Variants in DLG2 observed in about 807,000 individuals in gnomAD.
The protein encoded by DLG2 is disks large homolog 2.
DLG2 carries 45 observed loss-of-function variants against 132.5 expected under a neutral mutation model. The ratio of observed to expected loss-of-function variants is 0.34; its 90% CI spans 0.27 to 0.44. The LOEUF is 0.44. Ranked by LOEUF, DLG2 falls within the 20% of genes least tolerant of loss-of-function variation. The probability of loss-of-function intolerance (pLI) is 1.00; values close to 1 mark genes in which losing one functional copy is unlikely to be tolerated. For synonymous variants in DLG2, 424 were observed against 419.6 expected (o/e 1.01, Z -0.13); for missense variants, 1,045 against 1,196.9 (o/e 0.87, Z 1.87).
chr11:83,493,332 TTTCTTTCCTTCCTTCCTTCC>T (rs1312898081), intron 21 of DLG2, among the ~76,000 whole-genome samples: 18 of 135,780 alleles, frequency 1.3e-4, no homozygotes, highest in African/African-American at 4.8e-4. Context: ...TTGTCTTTTC[TTTCTTTCCTTCCTTCCTTCC>T]TTCCTTCCTT....
At chr11:84,993,224 G>A (rs182416292) in intron 6 of DLG2, among the ~76,000 whole-genome samples, 5 of 152,256 alleles carry the variant, frequency 3.3e-5, no homozygotes, top group Admixed American at 2.0e-4. Context: ...AGAACACATG[G>A]AGACAGGGAG....
intron 7 of DLG2, among the ~76,000 whole-genome samples, chr11:84,483,921 G>A (rs2099144461): frequency 6.6e-6 from 1 of 152,148 alleles, no homozygotes; most frequent in Non-Finnish European, 1.5e-5. Context: ...GACAGTGTCT[G>A]GCAGTGCATG....
At chr11:83,677,106 A>G (rs2077863800) in intron 18 of DLG2, among the ~76,000 whole-genome samples, 1 of 152,030 alleles carries the variant, frequency 6.6e-6, no homozygotes, top group Admixed American at 6.6e-5. Context: ...TTCTCCCCTA[A>G]TTTCCTAAAA....
At chr11:84,805,412 T>TATCGTTTAGATAATC (rs1393536077) in intron 6 of DLG2, among the ~76,000 whole-genome samples, 99 of 152,270 alleles carry the variant, frequency 6.5e-4, no homozygotes, top group African/African-American at 2.2e-3. Flanking sequence ...AATCAATAAA[T>TATCGTTTAGATAATC]GCTGATATCG....
At chr11:85,523,919 A>C (rs1418493487) in intron 3 of DLG2, among the ~76,000 whole-genome samples, 1 of 152,204 alleles carries the variant, frequency 6.6e-6, no homozygotes, top group African/African-American at 2.4e-5. Flanking sequence ...GAATGAGATC[A>C]TGTCATTTGC....
intron 6 of DLG2, among the ~76,000 whole-genome samples, chr11:84,715,076 GA>G (rs2061055873): frequency 6.6e-6 from 1 of 151,730 alleles, no homozygotes; most frequent in Non-Finnish European, 1.5e-5. Flanking sequence ...ATACTCACCA[GA>G]AAAAAATAAA....
chr11:84,877,961 A>G (rs2086657039), intron 6 of DLG2, among the ~76,000 whole-genome samples: 1 of 152,216 alleles, frequency 6.6e-6, no homozygotes, highest in African/African-American at 2.4e-5. Flanking sequence ...CATATGAAAA[A>G]AAGCTTGTCA....
chr11:84,028,013 C>A (rs928342689), intron 11 of DLG2, among the ~76,000 whole-genome samples: 1 of 150,734 alleles, frequency 6.6e-6, no homozygotes, highest in Non-Finnish European at 1.5e-5. Flanking sequence ...AAAGTATAAC[C>A]AATGTATTTT....
chr11:84,979,385 C>T (rs527607278), intron 6 of DLG2, among the ~76,000 whole-genome samples: 4 of 152,206 alleles, frequency 2.6e-5, no homozygotes, highest in East Asian at 3.9e-4. Flanking sequence ...CTATTCACAA[C>T]AGCAAAGACT....
At chr11:84,281,090 A>G (rs1171202187) in intron 7 of DLG2, among the ~76,000 whole-genome samples, 3 of 152,218 alleles carry the variant, frequency 2.0e-5, no homozygotes, top group East Asian at 3.9e-4. Context: ...TCAATAAATG[A>G]TGCAGGGACA....
intron 18 of DLG2, chr11:83,693,914 T>C (rs1031699888): frequency 6.6e-6 from 1 of 152,194 alleles, no homozygotes; most frequent in African/African-American, 2.4e-5. Flanking sequence ...ATGCCTTCTG[T>C]ATCTTTCTCA....
intron 3 of DLG2, among the ~76,000 whole-genome samples, chr11:85,501,785 T>C (rs1006272369): frequency 6.6e-6 from 1 of 151,992 alleles, no homozygotes; most frequent in Non-Finnish European, 1.5e-5. Context: ...GCTGGAGAGG[T>C]TGTGAAAAAT....
At chr11:83,667,364 G>A (rs2075821243) in intron 18 of DLG2, among the ~76,000 whole-genome samples, 1 of 152,152 alleles carries the variant, frequency 6.6e-6, no homozygotes, top group Non-Finnish European at 1.5e-5. Context: ...ATTCCTGGAG[G>A]GTGGTGAATA....
chr11:85,002,682 GAAC>G (rs1432063254), intron 6 of DLG2, among the ~76,000 whole-genome samples: 1 of 152,006 alleles, frequency 6.6e-6, no homozygotes. Context: ...GTCGACCCTT[GAAC>G]AACATGGATT....
At chr11:84,698,227 T>A (rs578044237) in intron 6 of DLG2, among the ~76,000 whole-genome samples, 1 of 135,666 alleles carries the variant, frequency 7.4e-6, no homozygotes, top group Middle Eastern at 3.6e-3. Flanking sequence ...GATATAGCCA[T>A]CTGATCCGAA....
At chr11:85,543,378 G>A (rs558313843) in intron 3 of DLG2, among the ~76,000 whole-genome samples, 158 of 152,202 alleles carry the variant, frequency 1.0e-3, no homozygotes, top group Non-Finnish European at 3.2e-4. Flanking sequence ...TCTTTATCCA[G>A]TCTATCATTG....
At chr11:84,729,258 T>G (rs2062864205) in intron 6 of DLG2, among the ~76,000 whole-genome samples, 1 of 152,192 alleles carries the variant, frequency 6.6e-6, no homozygotes, top group African/African-American at 2.4e-5. Context: ...GCTTTAAATG[T>G]GTCCCAGGGA....
At chr11:83,486,065 C>T (rs751550177) in intron 21 of DLG2, 5 of 485,240 alleles carry the variant, frequency 1.0e-5, no homozygotes, top group Non-Finnish European at 1.8e-5. Flanking sequence ...ACTCTGCTGA[C>T]AGCACCTATG....
At chr11:83,741,257 C>T (rs1284847665) in intron 18 of DLG2, among the ~76,000 whole-genome samples, 2 of 152,028 alleles carry the variant, frequency 1.3e-5, no homozygotes, top group East Asian at 3.8e-4. Context: ...ACAAGGATGC[C>T]CACTCTCACC....
Sources: gnomAD v4.1 joint callset for allele counts (sites outside exome capture counted in the v4.1 genomes callset) on GRCh38, gnomAD v4.1.1 for gene constraint, MANE v1.5 for transcripts, NCBI Gene and HGNC (gene_info 2026-07-23, HGNC 2026-07-21) for gene names.